The following MAP4K4 variants were observed in gnomAD, a reference collection of about 807,000 sequenced individuals.
MAP4K4 encodes mitogen-activated protein kinase kinase kinase kinase 4.
Under a neutral mutation model 189.6 loss-of-function variants are expected in MAP4K4, and 38 were observed. That is an observed-to-expected ratio of 0.20 (90% CI 0.15 to 0.26). MAP4K4 has a LOEUF of 0.26. MAP4K4 is among the 10% of genes least tolerant of loss of function. MAP4K4 has a pLI of 1.00. For synonymous variants in MAP4K4, 610 were observed against 624.3 expected, an observed-to-expected ratio of 0.98 and a Z score of 0.34; for missense variants, 1,054 against 1,726.9, an observed-to-expected ratio of 0.61 and a Z score of 6.91.
chr2:101,816,278 A>G (rs1406445001), intron 3 of MAP4K4, among the ~76,000 whole-genome samples: 1 of 152,230 alleles, frequency 6.6e-6, no homozygotes, highest in Non-Finnish European at 1.5e-5. Flanking sequence ...GCCAGGAGCC[A>G]AAGTTCCCTT....
At chr2:101,825,142 C>T (rs763629839) in intron 4 of MAP4K4, among the ~76,000 whole-genome samples, 177 bp from the exon 5 acceptor site, 3 of 152,082 alleles carry the variant, frequency 2.0e-5, no homozygotes, top group Non-Finnish European at 2.9e-5. Context: ...ATATATGGAG[C>T]GAATACACTG....
chr2:101,825,565 A>T (rs781586487), intron 5 of MAP4K4, 136 bp downstream of exon 5: 1 of 497,662 alleles, frequency 2.0e-6, no homozygotes, highest in Non-Finnish European at 3.6e-6. Flanking sequence ...GGTTCTGTAT[A>T]TCTAGCTAGC....
intron 3 of MAP4K4, among the ~76,000 whole-genome samples, chr2:101,795,968 C>T (rs924361627): frequency 2.6e-5 from 4 of 152,140 alleles, no homozygotes; most frequent in African/African-American, 9.7e-5. Flanking sequence ...TGGCCCTTTG[C>T]TTTGGATAAA....
intron 2 of MAP4K4, among the ~76,000 whole-genome samples, chr2:101,714,214 A>T (rs1342707958): frequency 6.6e-6 from 1 of 152,124 alleles, no homozygotes; most frequent in Non-Finnish European, 1.5e-5. Flanking sequence ...TTTTCATGTA[A>T]TTTTTTTCAA....
intron 2 of MAP4K4, among the ~76,000 whole-genome samples, chr2:101,771,610 C>A (rs1365681354): frequency 1.3e-5 from 2 of 152,122 alleles, no homozygotes; most frequent in Non-Finnish European, 2.9e-5. Flanking sequence ...CCTCAACTTC[C>A]CTAGTTGAAT....
At chr2:101,844,300 C>T (rs377621157) in exon 12 of MAP4K4, 5 of 1,558,716 alleles carry the variant, frequency 3.2e-6, no homozygotes, top group Non-Finnish European at 2.6e-6. Context: ...ACAGAGGCGA[C>T]GGCTAGAAGA....
chr2:101,823,833 A>C, intron 3 of MAP4K4, 95 bp from the exon 4 acceptor site: 1 of 1,071,770 alleles, frequency 9.3e-7, no homozygotes. Flanking sequence ...AGGATGGAGA[A>C]CTTGTGTTCC....
chr2:101,706,875 T>TAA (rs1559025994), intron 2 of MAP4K4, among the ~76,000 whole-genome samples: 1 of 152,244 alleles, frequency 6.6e-6, no homozygotes, highest in Non-Finnish European at 1.5e-5. Context: ...CCCTTTTTCT[T>TAA]ATCACTGCCT....
At chr2:101,848,416 G>C (rs1246855652) in intron 12 of MAP4K4, among the ~76,000 whole-genome samples, 4 of 152,176 alleles carry the variant, frequency 2.6e-5, no homozygotes, top group Non-Finnish European at 5.9e-5. Flanking sequence ...TGGCATTAAG[G>C]ATTTAGTCAG....
intron 32 of MAP4K4, among the ~76,000 whole-genome samples, chr2:101,890,114 T>C (rs1000936340): frequency 8.5e-5 from 13 of 152,238 alleles, no homozygotes; most frequent in Non-Finnish European, 1.3e-4. Flanking sequence ...TCATGTCCTT[T>C]AAGATTTATT....
chr2:101,782,623 C>T (rs567489208), intron 2 of MAP4K4, among the ~76,000 whole-genome samples: 17 of 152,090 alleles, frequency 1.1e-4, no homozygotes, highest in South Asian at 2.1e-4. Flanking sequence ...TCTGGAGGCA[C>T]GTGATGAGAA....
At position 101,883,588 on chromosome 2, in the gene MAP4K4, T is replaced by C. The variant is rs183629244; in HGVS notation, c.3520+903T>C. ...GAGAAATAATGGACCTTAGCCAAAT[T>C]AAAGTTTTATAGGAAAGATGTTATA... On this transcript the variant is annotated intron_variant, in intron 28 of 32. Coordinates refer to ENST00000324219, the Ensembl canonical transcript of MAP4K4. 1.3e-3 allele frequency among the ~76,000 whole-genome samples: 191 copies of C among 152,326 alleles called. 1 individual carries two copies. The highest frequency in any genetic ancestry group is 4.5e-3 in the African/African-American group (187 of 41,560).
At chr2:101,813,187 G>A (rs2149189090) in intron 3 of MAP4K4, among the ~76,000 whole-genome samples, 1 of 152,162 alleles carries the variant, frequency 6.6e-6, no homozygotes, top group African/African-American at 2.4e-5. Flanking sequence ...GAAGTTAGAG[G>A]TTTATGTAAT....
intron 2 of MAP4K4, among the ~76,000 whole-genome samples, chr2:101,705,197 A>G (rs916523760): frequency 3.9e-5 from 6 of 152,204 alleles, no homozygotes; most frequent in Non-Finnish European, 5.9e-5. Context: ...GATTAACCAT[A>G]TAAGGGTGGT....
rs967450567 is a variant in MAP4K4, at chr2:101,771,024, T to G, written c.124-19696T>G. ...TTTTGGATCCCACTTAACAGCCTCA[T>G]GGCAGGAATTTACACAACTAAAACA... On this transcript the variant is annotated intron_variant, in intron 2 of 32. Transcript: ENST00000324219. 3.3e-5 allele frequency among the ~76,000 whole-genome samples: 5 copies of G among 152,232 alleles called. No individual in the cohort carries two copies. In the South Asian group the frequency reaches 1.0e-3, roughly 31 times the overall value.
chr2:101,755,851 G>A (rs2072259118), intron 2 of MAP4K4, among the ~76,000 whole-genome samples: 1 of 150,714 alleles, frequency 6.6e-6, no homozygotes, highest in African/African-American at 2.4e-5. Context: ...ACGTTAGTAG[G>A]TGCACATCTG....
chr2:101,711,297 TA>T (rs1407829359), intron 2 of MAP4K4, among the ~76,000 whole-genome samples: 2 of 152,156 alleles, frequency 1.3e-5, no homozygotes, highest in African/African-American at 4.8e-5. Flanking sequence ...AATTAAAAGA[TA>T]AAGTTTTTTT....
At chr2:101,724,035 T>C (rs892716851) in intron 2 of MAP4K4, among the ~76,000 whole-genome samples, 8 of 152,228 alleles carry the variant, frequency 5.3e-5, no homozygotes, top group Non-Finnish European at 1.2e-4. Flanking sequence ...CAATCATGTT[T>C]CCCTAAGGCT....
At position 101,814,840 on chromosome 2, in the gene MAP4K4, A is replaced by G. The variant is rs528990805; in HGVS notation, c.181-9088A>G. Reference sequence around the variant, plus strand: ...ACATAAGCAGGAGTTGGGGTAGCTTAAGAAGCGAAAGTGGAGGAGACAGGA... The same window carrying G: ...ACATAAGCAGGAGTTGGGGTAGCTTGAGAAGCGAAAGTGGAGGAGACAGGA... On this transcript the variant is annotated intron_variant, in intron 3 of 32. Coordinates refer to ENST00000324219, the Ensembl canonical transcript of MAP4K4. Among the ~76,000 whole-genome samples, 4 of 152,330 alleles carry G rather than the reference A, an allele frequency of 2.6e-5. No homozygotes were observed. In the East Asian group the frequency reaches 7.7e-4, roughly 29 times the overall value.
Sources: allele counts gnomAD v4.1 joint callset (sites outside exome capture counted in the v4.1 genomes callset), GRCh38; gene constraint gnomAD v4.1.1; transcripts MANE v1.5; gene names NCBI Gene and HGNC (gene_info 2026-07-23, HGNC 2026-07-21).